Variants in RASGRP2 observed in about 807,000 individuals in gnomAD.
The protein encoded by RASGRP2 is RAS guanyl-releasing protein 2.
A neutral mutation model predicts 71.0 loss-of-function variants in RASGRP2; 44 were observed. The observed-to-expected ratio is 0.62, with a 90% CI of 0.49 to 0.80. The LOEUF is 0.80. Ranked by LOEUF, RASGRP2 falls within the 30% of genes least tolerant of loss-of-function variation. The pLI is 0.00. For synonymous variants in RASGRP2, 350 were observed against 330.7 expected (o/e 1.06, Z -0.63); for missense variants, 663 against 813.4 (o/e 0.82, Z 2.25).
At chr11:64,731,631 G>A (rs1220989977) in intron 12 of RASGRP2, among the ~76,000 whole-genome samples, 1 of 152,096 alleles carries the variant, frequency 6.6e-6, no homozygotes, top group Admixed American at 6.6e-5. Context: ...GTAGAATAAT[G>A]GACAAGGAAT....
Position 64,743,130 on chromosome 11 carries a change from G to A in RASGRP2, c.-71-193C>T, listed in dbSNP as rs749816836. 1 of 686,190 alleles carries A rather than the reference G, an allele frequency of 1.5e-6. No individual in the cohort carries two copies. Among genetic ancestry groups the A allele is most frequent in the South Asian group, 1.5e-5 (1 of 66,930 alleles). The allele number at this position is 686,190 out of a possible 1,614,324, so 42.5% of individuals were successfully genotyped here. A position where few individuals can be genotyped will look rare whatever the true frequency, so the allele number is the denominator to read the frequency against. On this transcript the variant is annotated intron_variant, in intron 1 of 16. Transcript: ENST00000394432. This position sits in a 1 kb window ranked among gnomAD's most constrained non-coding sequence, Gnocchi z 4.9. ...CAGTTGGGAAACGGACCCGCAGAGA[G>A]GCTTCCGGCCCACCCTCGGAGTCGC...
At chr11:64,740,389 G>A (rs2058083823) in intron 5 of RASGRP2, 2 of 698,584 alleles carry the variant, frequency 2.9e-6, no homozygotes, top group Non-Finnish European at 5.3e-6. Context: ...CACTGTGCTA[G>A]GCGCTGGGAA....
Position 64,729,034 on chromosome 11 carries a change from C to T in RASGRP2, c.1600G>A (p.Val534Met). Residue 534 changes from valine to methionine, a missense_variant, in exon 15 of 17, where the codon GTG becomes ATG. Physicochemically the swap from Val to Met is conservative, Grantham distance 21. Coordinates refer to ENST00000394432, the MANE Select transcript of RASGRP2 (RefSeq NM_001098671.2). The stretch of plus-strand genomic sequence containing the variant: ...TCCTTGCACTGCTTGTGGCAGTTCA[C>T]TCCACAGGCTGGGGGAGAGCAAATG... ...KQGLKCRACG[V>M]NCHKQCKDRL... 1 of 1,596,706 alleles carries T rather than the reference C, an allele frequency of 6.3e-7. No homozygotes were observed. Among genetic ancestry groups the T allele is most frequent in the Non-Finnish European group, 8.5e-7 (1 of 1,176,724 alleles).
At chr11:64,744,234 G>A (rs772232687), upstream of RASGRP2, 5 of 985,852 alleles carry the variant, frequency 5.1e-6, no homozygotes, top group Non-Finnish European at 6.0e-6. Context: ...TTGCGGTGCA[G>A]GGCCCGCCCT....
chr11:64,737,183 C>A (rs772840601), intron 8 of RASGRP2, 149 bp from the exon 9 acceptor site: 6 of 917,642 alleles, frequency 6.5e-6, no homozygotes, highest in Non-Finnish European at 1.0e-5. Context: ...CTGGCTCTCT[C>A]AGCCCCTGGG....
rs1358092336 is a variant in RASGRP2 at position 64,743,667 on chromosome 11, C to A, written c.-72+336G>T. 2 of 414,438 alleles carry A rather than the reference C, an allele frequency of 4.8e-6. No individual in the cohort carries two copies. The highest frequency in any genetic ancestry group is 2.1e-5 in the African/African-American group (1 of 47,100). The allele number at this position is 414,438 out of a possible 1,614,324, so 25.7% of individuals were successfully genotyped here. The stretch of plus-strand genomic sequence containing the variant: ...GTCCACAGGCCCTCTTCCTCCCTAT[C>A]CCCGGCTCCTGACCCTGGCCCCGGC... On this transcript the variant is annotated intron_variant, in intron 1 of 16. Transcript: ENST00000394432. This position sits in a 1 kb window ranked among gnomAD's most constrained non-coding sequence, Gnocchi z 4.9.
rs910373304 is a variant in RASGRP2 at position 64,727,433 on chromosome 11, G to A, written c.1772-73C>T. 8.8e-5 allele frequency: 125 copies of A among 1,427,146 alleles called. 1 individual carries two copies. The Admixed American group carries it at 1.9e-3, about 22-fold the overall frequency. 88.4% of individuals were successfully genotyped at this position (1,427,146 alleles called of 1,614,324 possible). ...CTTCATCAACCCTTCCCCTCTCCAC[G>A]GGAGGCATCCACATCATCCCAGAAG... On this transcript the variant is annotated intron_variant, in intron 15 of 16. Transcript: ENST00000394432.
Position 64,740,676 on chromosome 11 carries a change from T to C in RASGRP2, c.371+272A>G, listed in dbSNP as rs947638357. 1.1e-5 allele frequency: 7 copies of C among 650,852 alleles called. 1 individual carries two copies. The Admixed American group carries it at 1.5e-4, about 14-fold the overall frequency. The allele number at this position is 650,852 out of a possible 1,614,324, so 40.3% of individuals were successfully genotyped here. ...GGGGGATGATATGAGCAGAGCACCA[T>C]GATGAGAAAGGACTCGAGAGCTCAG... On this transcript the variant is annotated intron_variant, in intron 5 of 16. Coordinates refer to ENST00000394432, the MANE Select transcript of RASGRP2 (RefSeq NM_001098671.2).
In RASGRP2 at chr11:64,735,660, G is replaced by A; in HGVS notation, c.1178C>T (p.Thr393Ile). The A allele has an allele frequency of 6.2e-7, 1 of 1,611,100 alleles. No homozygotes were observed. The highest frequency in any genetic ancestry group is 8.5e-7 in the Non-Finnish European group (1 of 1,179,028). Residue 393 changes from threonine (T) to isoleucine (I), a missense_variant, in exon 11 of 17, where the codon ACC (threonine) becomes ATC (isoleucine). Transcript: ENST00000394432. The surrounding 1 kb of genome is among the most constrained non-coding windows in gnomAD (Gnocchi z 4.2). ...QREPRSKSSP[T>I]SPTSCTPPPR... is the part of the protein sequence containing the mutation. ...TGGTGGGGTGCAACTCGTGGGGCTG[G>A]TTGGCTATGGAAATGGTCGGGCCTG...
intron 12 of RASGRP2, among the ~76,000 whole-genome samples, chr11:64,734,582 A>T (rs1342716519): frequency 1.3e-5 from 2 of 152,212 alleles, no homozygotes; most frequent in Non-Finnish European, 2.9e-5. Context: ...AACATTAAAA[A>T]ATAAATCGAC....
rs769903173 is a variant in RASGRP2, at chr11:64,735,966, C to T, written c.1110G>A (p.Gln370=). 1.9e-6 allele frequency: 3 copies of T among 1,613,986 alleles called. No individual in the cohort carries two copies. The Admixed American group carries it at 5.0e-5, about 27-fold the overall frequency. The change falls in exon 10 of 17, where the codon CAG becomes CAA. Residue 370 remains glutamine, a synonymous_variant. Transcript: ENST00000394432. The surrounding 1 kb of genome is among the most constrained non-coding windows in gnomAD (Gnocchi z 4.2). The part of the protein sequence containing the change: ...LLSLLTVSLD[Q]YQTEDELYQL... ...GGTACAGCTCATCCTCCGTCTGATA[C>T]TGATCCAGAGACACCTGGGACACAC...
chr11:64,738,159 T>G (rs1474866783), intron 8 of RASGRP2, among the ~76,000 whole-genome samples: 1 of 152,064 alleles, frequency 6.6e-6, no homozygotes, highest in Non-Finnish European at 1.5e-5. Flanking sequence ...CAGAACCATG[T>G]GGAATGAAAA....
rs538651164 is a variant in RASGRP2, at chr11:64,735,240, G to C, written c.1297-13C>G. The C allele has an allele frequency of 5.6e-6, 9 of 1,600,982 alleles. No individual in the cohort carries two copies. The East Asian group carries it at 2.0e-4, about 36-fold the overall frequency. On this transcript the variant is annotated splice_polypyrimidine_tract_variant and intron_variant, in intron 11 of 16. Coordinates refer to ENST00000394432, the MANE Select transcript of RASGRP2 (RefSeq NM_001098671.2). The surrounding 1 kb of genome is among the most constrained non-coding windows in gnomAD (Gnocchi z 4.2). ...TCCGGAACACAGACTGGGGCACGCA[G>C]AGGGACACGCAGAGCCAGAAGAGGG...
intron 5 of RASGRP2, 176 bp downstream of exon 5, chr11:64,740,772 G>A (rs2058095281): frequency 4.9e-6 from 4 of 810,518 alleles, no homozygotes; most frequent in South Asian, 1.4e-5. Flanking sequence ...TGGAAGATGA[G>A]GCAGGAACGC....
At chr11:64,727,981 A>G (rs1031863548) in intron 15 of RASGRP2, among the ~76,000 whole-genome samples, 5 of 152,130 alleles carry the variant, frequency 3.3e-5, no homozygotes, top group Admixed American at 3.3e-4. Context: ...TATCTTTTCT[A>G]TTTTTGAGGA....
intron 13 of RASGRP2, 23 bp downstream of exon 13, chr11:64,730,030 T>G (rs2135730499): frequency 5.2e-6 from 8 of 1,547,554 alleles, no homozygotes; most frequent in East Asian, 2.4e-5. Flanking sequence ...GCTTGGGCCG[T>G]GAGCCGGGAA....
At chr11:64,738,731 G>A (rs1010992644) in intron 8 of RASGRP2, among the ~76,000 whole-genome samples, 2 of 151,958 alleles carry the variant, frequency 1.3e-5, no homozygotes, top group Admixed American at 6.6e-5. Context: ...GAGCTACTAC[G>A]CCCAGTCTCA....
At position 64,740,124 on chromosome 11, in the gene RASGRP2, G is replaced by T. The variant is rs2058074242; in HGVS notation, c.411C>A (p.Asn137Lys). 6.2e-7 allele frequency: 1 copy of T among 1,614,010 alleles called. No homozygotes were observed. Among genetic ancestry groups the T allele is most frequent in the African/African-American group, 1.3e-5 (1 of 74,922 alleles). ...YKWKRQVTQR[N>K]PVGQKKRKMS... ...TCTTGCGCTTTTTCTGTCCCACAGG[G>T]TTCCGCTGAGTCACCTGCCGCTTCC... Residue 137 changes from asparagine (N) to lysine (K), a missense_variant, in exon 6 of 17, where the codon AAC (asparagine) becomes AAA (lysine). Asn to Lys is a moderately conservative substitution (Grantham distance 94, BLOSUM62 0). Transcript: ENST00000394432.
chr11:64,742,646 G>T lies in RASGRP2; in HGVS notation c.73+148C>A. The stretch of plus-strand genomic sequence containing the variant: ...CGTGCATCTCTCTGCCCTGCGTTGC[G>T]GAGGAGGCTTTCGTTAAAGAGACTG... On this transcript the variant is annotated intron_variant, in intron 2 of 16. Transcript: ENST00000394432. The surrounding 1 kb of genome is among the most constrained non-coding windows in gnomAD (Gnocchi z 4.7). 9.8e-7 allele frequency: 1 copy of T among 1,023,344 alleles called. No homozygotes were observed. The highest frequency in any genetic ancestry group is 1.5e-6 in the Non-Finnish European group (1 of 681,110). The allele number at this position is 1,023,344 out of a possible 1,614,324, so 63.4% of individuals were successfully genotyped here.
Sources: allele counts gnomAD v4.1 joint callset (sites outside exome capture counted in the v4.1 genomes callset), GRCh38; gene constraint gnomAD v4.1.1; non-coding constraint Gnocchi (gnomAD v3.1); transcripts MANE v1.5; gene names NCBI Gene and HGNC (gene_info 2026-07-23, HGNC 2026-07-21).